Variants in CDH18 observed in about 807,000 individuals in gnomAD.
CDH18 encodes cadherin-18.
CDH18 carries 31 observed loss-of-function variants against 67.9 expected under a neutral mutation model. That is an observed-to-expected ratio of 0.46 (90% CI 0.34 to 0.62). CDH18 has a LOEUF of 0.62. Among genes scored for constraint, CDH18 ranks in the 20% least tolerant of loss-of-function variants. CDH18 has a pLI of 0.01. For missense variants in CDH18, 890 were observed against 975.5 expected (o/e 0.91, Z 1.17); for synonymous variants, 362 against 347.2 (o/e 1.04, Z -0.48).
intron 5 of CDH18, among the ~76,000 whole-genome samples, chr5:19,687,982 C>T (rs1374178142): frequency 1.3e-5 from 2 of 152,226 alleles, no homozygotes; most frequent in East Asian, 3.9e-4. Flanking sequence ...TGCCCAAGGG[C>T]CTGGGAATCA....
chr5:20,282,268 A>G (rs1340690298), intron 1 of CDH18, among the ~76,000 whole-genome samples: 15 of 152,112 alleles, frequency 9.9e-5, no homozygotes, highest in Admixed American at 9.2e-4. Context: ...GGAGTGGTGA[A>G]AGAGGGCATC....
chr5:20,558,906 A>C lies in CDH18; in HGVS notation c.-580+16556T>G, dbSNP rs1477428398. Reference sequence around the variant, plus strand: ...GGCTTTGGGTTTCTCATTGCTTGAAATTTTGGAAAGTGGGTTGATTTCAAA... The same window carrying C: ...GGCTTTGGGTTTCTCATTGCTTGAACTTTTGGAAAGTGGGTTGATTTCAAA... On this transcript the variant is annotated intron_variant, in intron 1 of 14. Coordinates refer to the CDH18 transcript ENST00000507958. Among the ~76,000 whole-genome samples the C allele has an allele frequency of 2.6e-5, 4 of 151,998 alleles. No individual in the cohort carries two copies. In the East Asian group the frequency reaches 7.7e-4, roughly 29 times the overall value.
intron 3 of CDH18, among the ~76,000 whole-genome samples, chr5:19,817,286 T>G (rs1284751713): frequency 6.6e-6 from 1 of 152,008 alleles, no homozygotes; most frequent in African/African-American, 2.4e-5. Flanking sequence ...AGGGAGATAC[T>G]GCAACATCTA....
At chr5:20,538,157 C>T (rs758436977) in intron 1 of CDH18, among the ~76,000 whole-genome samples, 40 of 152,080 alleles carry the variant, frequency 2.6e-4, no homozygotes, top group Non-Finnish European at 5.1e-4. Flanking sequence ...ATGCAGAACA[C>T]ATCACTATGA....
intron 2 of CDH18, among the ~76,000 whole-genome samples, chr5:20,225,111 T>G: frequency 6.6e-6 from 1 of 152,152 alleles, no homozygotes; most frequent in East Asian, 1.9e-4. Context: ...CAGATCACTC[T>G]TCAGAGGTCA....
chr5:20,423,789 C>T lies in CDH18; in HGVS notation c.-580+151673G>A, dbSNP rs568054536. Among the ~76,000 whole-genome samples, 65 of 148,758 alleles carry T rather than the reference C, an allele frequency of 4.4e-4. 4 individuals carry two copies. The highest frequency in any genetic ancestry group is 1.6e-3 in the African/African-American group (62 of 39,332). On this transcript the variant is annotated intron_variant, in intron 1 of 14. Transcript: ENST00000507958. ...CGAAACTACGTCTCTACTAAAAATA[C>T]AAAAAAAATTAGCCGGGCGTGGTGA...
At chr5:19,671,739 G>C (rs979218987) in intron 5 of CDH18, among the ~76,000 whole-genome samples, 1 of 152,250 alleles carries the variant, frequency 6.6e-6, no homozygotes, top group Non-Finnish European at 1.5e-5. Flanking sequence ...CTAGGAAAGA[G>C]AGTAAAGGCA....
At chr5:20,572,167 G>A (rs372431158) in intron 1 of CDH18, among the ~76,000 whole-genome samples, 2 of 151,800 alleles carry the variant, frequency 1.3e-5, no homozygotes, top group African/African-American at 2.4e-5. Context: ...TTCTATGCCT[G>A]TGTGGATAGT....
intron 1 of CDH18, among the ~76,000 whole-genome samples, chr5:20,377,968 G>A (rs1743599228): frequency 1.8e-5 from 1 of 56,836 alleles, no homozygotes; most frequent in African/African-American, 3.6e-5. Flanking sequence ...TCCTTTAATG[G>A]AACAATTATG....
rs1477709366 is a variant in CDH18, at chr5:20,003,145, G to A, written c.-517-11131C>T. The stretch of plus-strand genomic sequence containing the variant: ...ACAAGTATACATTAGGATGTGAAAA[G>A]ATAAGTGTGTATTAAAACCAGTTAG... On this transcript the variant is annotated intron_variant, in intron 2 of 14. Transcript: ENST00000507958. Among the ~76,000 whole-genome samples, 2 of 152,250 alleles carry A rather than the reference G, an allele frequency of 1.3e-5. 1 individual carries two copies. The highest frequency in any genetic ancestry group is 3.9e-4 in the East Asian group (2 of 5,176).
intron 5 of CDH18, among the ~76,000 whole-genome samples, chr5:19,669,135 A>G (rs910447750): frequency 6.8e-6 from 1 of 146,886 alleles, no homozygotes; most frequent in African/African-American, 2.5e-5. Flanking sequence ...TATATAATAT[A>G]TCATACATTA....
At position 19,612,636 on chromosome 5, in the gene CDH18, T is replaced by C. The variant is rs772206080; in HGVS notation, c.644-35A>G. 3 of 1,472,472 alleles carry C rather than the reference T, an allele frequency of 2.0e-6. No individual in the cohort carries two copies. The East Asian group carries it at 6.8e-5, about 34-fold the overall frequency. 91.2% of individuals were successfully genotyped at this position (1,472,472 alleles called of 1,614,324 possible). On this transcript the variant is annotated intron_variant, in intron 5 of 12. Transcript: ENST00000382275. Reference sequence around the variant, plus strand: ...ATATATTTTAATAAACAGTATGAGCTATATAATAAGCAAGTATCAACAAAC... The same window carrying C: ...ATATATTTTAATAAACAGTATGAGCCATATAATAAGCAAGTATCAACAAAC...
chr5:20,416,805 C>T (rs1747350000), intron 1 of CDH18, among the ~76,000 whole-genome samples: 1 of 151,864 alleles, frequency 6.6e-6, no homozygotes, highest in Admixed American at 6.6e-5. Flanking sequence ...CATGAGAAAA[C>T]TTAAAGATAA....
At chr5:19,572,812 T>A (rs1741669373) in intron 7 of CDH18, among the ~76,000 whole-genome samples, 1 of 152,112 alleles carries the variant, frequency 6.6e-6, no homozygotes, top group Non-Finnish European at 1.5e-5. Context: ...AAACATCCCT[T>A]CAGTTCATAG....
chr5:20,474,308 C>T (rs1286238820), intron 1 of CDH18, among the ~76,000 whole-genome samples: 1 of 152,064 alleles, frequency 6.6e-6, no homozygotes, highest in African/African-American at 2.4e-5. Context: ...GACATTCATC[C>T]AGCTCCAATC....
chr5:19,711,953 T>C (rs931481261), intron 5 of CDH18, among the ~76,000 whole-genome samples: 1 of 152,092 alleles, frequency 6.6e-6, no homozygotes, highest in Non-Finnish European at 1.5e-5. Context: ...GTGCTACATA[T>C]ACACTGTGGA....
chr5:19,746,789 A>G (rs1025851617), intron 4 of CDH18, among the ~76,000 whole-genome samples, 153 bp downstream of exon 4: 1 of 152,242 alleles, frequency 6.6e-6, no homozygotes, highest in African/African-American at 2.4e-5. Context: ...AGTCTTTAAC[A>G]CTTTATGCCA....
intron 11 of CDH18, among the ~76,000 whole-genome samples, chr5:19,484,578 A>G (rs1253593686): frequency 6.6e-6 from 1 of 150,616 alleles, no homozygotes; most frequent in Non-Finnish European, 1.5e-5. Context: ...ATAGATTGCC[A>G]CCTGCCCCCA....
intron 1 of CDH18, among the ~76,000 whole-genome samples, chr5:20,464,921 A>G (rs1751535871): frequency 6.6e-6 from 1 of 152,132 alleles, no homozygotes; most frequent in African/African-American, 2.4e-5. Context: ...ACAGACATGA[A>G]CAGTCAGATA....
Sources: allele counts gnomAD v4.1 joint callset (sites outside exome capture counted in the v4.1 genomes callset), GRCh38; gene constraint gnomAD v4.1.1; transcripts MANE v1.5; gene names NCBI Gene and HGNC (gene_info 2026-07-23, HGNC 2026-07-21).